The following FGF1 variants were observed in gnomAD, a reference collection of about 807,000 sequenced individuals.
FGF1 encodes the protein beta-endothelial cell growth factor.
In FGF1, 9 loss-of-function variants were observed where a neutral mutation model predicts 13.4. The observed-to-expected ratio is 0.67, with a 90% CI of 0.40 to 1.17. The LOEUF (loss-of-function observed/expected upper bound fraction) is 1.17, where lower values mean the gene tolerates loss of function less well. Among genes scored for constraint, FGF1 ranks in the 50% most tolerant of loss-of-function variants. The pLI, the probability that FGF1 is intolerant of heterozygous loss-of-function variation, is 0.01. For synonymous variants in FGF1, 93 were observed against 79.0 expected (o/e 1.18, Z -0.94); for missense variants, 156 against 192.7 (o/e 0.81, Z 1.13).
chr5:142,613,519 G>A (rs1325547932), intron 2 of FGF1, among the ~76,000 whole-genome samples: 2 of 152,256 alleles, frequency 1.3e-5, no homozygotes, highest in East Asian at 1.9e-4. Flanking sequence ...ATCAAGCCCA[G>A]TGGAAACATA....
chr5:142,646,837 T>C (rs1766248244), intron 1 of FGF1, among the ~76,000 whole-genome samples: 1 of 152,204 alleles, frequency 6.6e-6, no homozygotes, highest in African/African-American at 2.4e-5. Flanking sequence ...TGCTAAGACC[T>C]CACCACCTGA....
intron 2 of FGF1, among the ~76,000 whole-genome samples, chr5:142,609,536 G>T (rs1320840195): frequency 6.6e-6 from 1 of 152,202 alleles, no homozygotes; most frequent in Non-Finnish European, 1.5e-5. Flanking sequence ...GGGGCTTGCT[G>T]CACCTGTGTC....
At chr5:142,672,064 C>T (rs1421548717) in intron 1 of FGF1, 1 of 152,096 alleles carries the variant, frequency 6.6e-6, no homozygotes, top group Non-Finnish European at 1.5e-5. Flanking sequence ...CCATTACATA[C>T]AAGTTAAAAG....
chr5:142,604,390 G>C (rs1315995580), intron 2 of FGF1, among the ~76,000 whole-genome samples: 3 of 152,044 alleles, frequency 2.0e-5, no homozygotes, highest in Non-Finnish European at 4.4e-5. Flanking sequence ...TCAAAGGAAG[G>C]GGCTAACTTT....
chr5:142,643,814 G>A (rs1183421048), intron 1 of FGF1, among the ~76,000 whole-genome samples: 1 of 152,198 alleles, frequency 6.6e-6, no homozygotes, highest in Non-Finnish European at 1.5e-5. Flanking sequence ...CTAACCATGG[G>A]ATCTTAGCCA....
At chr5:142,627,190 A>G (rs1384181052) in intron 1 of FGF1, 2 of 152,168 alleles carry the variant, frequency 1.3e-5, no homozygotes, top group Non-Finnish European at 2.9e-5. Context: ...GCATCTCTGG[A>G]TAGCTGTTGT....
intron 1 of FGF1, among the ~76,000 whole-genome samples, chr5:142,682,777 G>A (rs1399136203): frequency 6.6e-6 from 1 of 152,170 alleles, no homozygotes; most frequent in African/African-American, 2.4e-5. Context: ...CTCACTTCTG[G>A]CTGGGTTTAA....
chr5:142,662,946 C>T (rs1769545738), intron 1 of FGF1, among the ~76,000 whole-genome samples: 1 of 152,078 alleles, frequency 6.6e-6, no homozygotes, highest in Non-Finnish European at 1.5e-5. Context: ...ACCTCAGCCT[C>T]CCAAGCAGCT....
rs1219319125 is a variant in FGF1, at chr5:142,664,251, G to GC, written c.-35+21705dup. On this transcript the variant is annotated intron_variant, in intron 1 of 3. Transcript: ENST00000337706. Reference sequence around the variant, plus strand: ...ACCTGAAGGAACAAATAACAAAGGCGCCCCCCACCTCCCAGGCAGCGTGCA... The same window carrying GC: ...ACCTGAAGGAACAAATAACAAAGGCGCCCCCCCACCTCCCAGGCAGCGTGCA... Among the ~76,000 whole-genome samples the GC allele has an allele frequency of 3.3e-5, 5 of 152,234 alleles. No individual in the cohort carries two copies. The East Asian group carries it at 9.7e-4, about 29-fold the overall frequency.
At chr5:142,690,696 C>T (rs7707842), upstream of FGF1, among the ~76,000 whole-genome samples, 1 of 152,226 alleles carries the variant, frequency 6.6e-6, no homozygotes. Context: ...TAACCCTCTA[C>T]AGTTCATTTC....
rs369658077 is a variant in FGF1 at position 142,659,469 on chromosome 5, C to T, written c.-35+26488G>A. Reference sequence around the variant, plus strand: ...GTCTCAATCTCTTGACCTCGTATTCCACCCACTTCAGCCTCCCAAAGTATT... The same window carrying T: ...GTCTCAATCTCTTGACCTCGTATTCTACCCACTTCAGCCTCCCAAAGTATT... On this transcript the variant is annotated intron_variant, in intron 1 of 3. Transcript: ENST00000337706. Among the ~76,000 whole-genome samples the T allele has an allele frequency of 2.6e-5, 4 of 152,110 alleles. 1 individual carries two copies. The highest frequency in any genetic ancestry group is 9.7e-5 in the African/African-American group (4 of 41,414).
intron 1 of FGF1, among the ~76,000 whole-genome samples, chr5:142,675,099 G>A (rs892994372): frequency 1.2e-4 from 19 of 152,156 alleles, no homozygotes; most frequent in East Asian, 3.9e-4. Flanking sequence ...CCCGGCCATC[G>A]CCTTGGAAAC....
chr5:142,663,542 A>ATT (rs1769702468), intron 1 of FGF1, among the ~76,000 whole-genome samples: 1 of 152,198 alleles, frequency 6.6e-6, no homozygotes, highest in African/African-American at 2.4e-5. Context: ...TTGGAAAGAT[A>ATT]GCCAAGAGGT....
intron 1 of FGF1, among the ~76,000 whole-genome samples, chr5:142,641,904 A>C (rs917929344): frequency 6.6e-6 from 1 of 150,492 alleles, no homozygotes; most frequent in Non-Finnish European, 1.5e-5. Context: ...TATTTCAGGC[A>C]TCTGAATTAT....
intron 1 of FGF1, among the ~76,000 whole-genome samples, chr5:142,658,619 C>G (rs1018869665): frequency 3.9e-5 from 6 of 152,144 alleles, no homozygotes. Flanking sequence ...GACACACACA[C>G]GCACACACTC....
In FGF1 at chr5:142,592,401, T is replaced by C; in HGVS notation, c.*2889A>G. The C allele has an allele frequency of 2.5e-6, 1 of 398,590 alleles. No individual in the cohort carries two copies. The highest frequency in any genetic ancestry group is 4.4e-6 in the Non-Finnish European group (1 of 226,028). The allele number at this position is 398,590 out of a possible 1,614,324, so 24.7% of individuals were successfully genotyped here. A position where few individuals can be genotyped will look rare whatever the true frequency, so the allele number is the denominator to read the frequency against. On this transcript the variant is annotated 3_prime_UTR_variant, in exon 4 of 4. Coordinates refer to ENST00000337706, the MANE Select transcript of FGF1 (RefSeq NM_000800.5). ...TACTAGCTGATGCTCCAATCAGTTT[T>C]TTGTTCATACACACTGTTGGCCATT...
intron 1 of FGF1, among the ~76,000 whole-genome samples, chr5:142,648,123 C>A (rs2151967349): frequency 6.6e-6 from 1 of 152,166 alleles, no homozygotes; most frequent in East Asian, 1.9e-4. Context: ...GATTTTGGAG[C>A]ATTTTGGACT....
chr5:142,650,071 T>C (rs1349359480), intron 1 of FGF1, among the ~76,000 whole-genome samples: 1 of 152,196 alleles, frequency 6.6e-6, no homozygotes, highest in Non-Finnish European at 1.5e-5. Context: ...GGCCTGGGAA[T>C]CTACATTGCA....
intron 2 of FGF1, among the ~76,000 whole-genome samples, chr5:142,612,750 TC>T (rs1759345394): frequency 6.7e-6 from 1 of 149,054 alleles, no homozygotes; most frequent in East Asian, 2.0e-4. Flanking sequence ...GCCTCAGCCT[TC>T]CTGCTCCTCA....
Sources: allele counts gnomAD v4.1 joint callset (sites outside exome capture counted in the v4.1 genomes callset), GRCh38; gene constraint gnomAD v4.1.1; transcripts MANE v1.5; gene names NCBI Gene and HGNC (gene_info 2026-07-23, HGNC 2026-07-21).